STARD9: variants seen among roughly 807,000 people sequenced by gnomAD.
STARD9 encodes the protein stAR-related lipid transfer protein 9.
STARD9 carries 346 observed loss-of-function variants against 399.8 expected under a neutral mutation model. The ratio of observed to expected loss-of-function variants is 0.87; its 90% confidence interval spans 0.79 to 0.95. STARD9 has a LOEUF of 0.95. Ranked by LOEUF, STARD9 falls within the 40% of genes least tolerant of loss-of-function variation. The pLI is 0.00. For synonymous variants in STARD9, 2,203 were observed against 2,143.5 expected (o/e 1.03, Z -0.77); for missense variants, 5,832 against 5,667.5 (o/e 1.03, Z -0.93).
chr15:42,718,565 T>G, intron 31 of STARD9, 51 bp downstream of exon 31: 1 of 1,512,456 alleles, frequency 6.6e-7, no homozygotes, highest in Non-Finnish European at 8.9e-7. Context: ...GGCTGAAGTG[T>G]CGTGAGAAAC....
At chr15:42,666,814 T>A (rs1232836829) in intron 15 of STARD9, among the ~76,000 whole-genome samples, 1 of 152,150 alleles carries the variant, frequency 6.6e-6, no homozygotes, top group Non-Finnish European at 1.5e-5. Flanking sequence ...CATTTTTTTT[T>A]ATTAATTTTA....
At chr15:42,606,719 C>G (rs750267317) in intron 3 of STARD9, among the ~76,000 whole-genome samples, 1 of 151,884 alleles carries the variant, frequency 6.6e-6, no homozygotes, top group African/African-American at 2.4e-5. Context: ...ACCTCAGCCT[C>G]CCAAAGTGCT....
At chr15:42,595,270 T>C (rs1395297564) in intron 3 of STARD9, among the ~76,000 whole-genome samples, 1 of 152,142 alleles carries the variant, frequency 6.6e-6, no homozygotes, top group Non-Finnish European at 1.5e-5. Context: ...TTACAGCAGG[T>C]ATCTCCATTT....
chr15:42,700,117 A>T (rs1322144345), intron 26 of STARD9, among the ~76,000 whole-genome samples: 2 of 152,188 alleles, frequency 1.3e-5, no homozygotes, highest in Non-Finnish European at 2.9e-5. Context: ...ACAGAATTTT[A>T]TTCTGTTTTA....
At chr15:42,635,634 C>T (rs1432151639) in intron 4 of STARD9, among the ~76,000 whole-genome samples, 1 of 152,054 alleles carries the variant, frequency 6.6e-6, no homozygotes, top group East Asian at 1.9e-4. Flanking sequence ...CGGCCTTAAC[C>T]CCTCTTTATT....
chr15:42,718,697 G>A, intron 31 of STARD9, 55 bp from the exon 32 acceptor site: 1 of 1,519,252 alleles, frequency 6.6e-7, no homozygotes. Flanking sequence ...ACGGGAGCCT[G>A]TTCCTGTTTT....
chr15:42,697,555 A>G (rs1434208779), intron 26 of STARD9, among the ~76,000 whole-genome samples: 1 of 152,192 alleles, frequency 6.6e-6, no homozygotes, highest in African/African-American at 2.4e-5. Flanking sequence ...TCAGAAATTC[A>G]AAATACTCCA....
chr15:42,634,820 A>C (rs1312623220), intron 3 of STARD9, 36 bp from the exon 4 acceptor site: 2 of 1,051,022 alleles, frequency 1.9e-6, no homozygotes, highest in Non-Finnish European at 2.8e-6. Flanking sequence ...GAGAAGAAGG[A>C]CCACAGTGAT....
At chr15:42,581,584 T>G in intron 1 of STARD9, 5 of 811,214 alleles carry the variant, frequency 6.2e-6, no homozygotes, top group South Asian at 4.6e-5. Flanking sequence ...AAGCGAGCTC[T>G]GCGCACTCCT....
Position 42,687,173 on chromosome 15 carries a change from A to C in STARD9, c.5595A>C (p.Val1865=). The C allele has an allele frequency of 6.5e-7, 1 of 1,537,426 alleles. No individual in the cohort carries two copies. The highest frequency in any genetic ancestry group is 2.4e-5 in the East Asian group (1 of 40,926). The change falls in exon 23 of 33, where the codon GTA becomes GTC. Residue 1865 remains valine, a synonymous_variant. Coordinates refer to ENST00000290607, the MANE Select transcript of STARD9 (RefSeq NM_020759.3). ...RHFLPSTSTK[V]CEFENQVVIL... ...TTCTCCCCTCTACCAGCACAAAAGT[A>C]TGTGAATTTGAAAACCAAGTTGTAA...
In STARD9 at chr15:42,669,296, G is replaced by A; in HGVS notation, c.1456G>A (p.Asp486Asn). The change falls in exon 16 of 33, where the codon GAT becomes AAT. Residue 486 changes from aspartate (D) to asparagine (N), a missense_variant. Physicochemically the swap from Asp to Asn is conservative, Grantham distance 23. Around this residue, in one of 2 missense-constraint regions of STARD9, gnomAD observed 5,828 missense variants for 5,651.1 expected, o/e 1.03. Transcript: ENST00000290607. ...SSLPHLMALE[D>N]DVLSTGVVLY... ...CCTGCCACACTTGATGGCCTTGGAG[G>A]ATGATGTGCTCAGCACAGGTGTTGT... The A allele has an allele frequency of 2.0e-6, 3 of 1,536,608 alleles. No individual in the cohort carries two copies. Among genetic ancestry groups the A allele is most frequent in the Non-Finnish European group, 2.6e-6 (3 of 1,146,414 alleles).
At chr15:42,697,521 G>C (rs1477242251) in intron 26 of STARD9, among the ~76,000 whole-genome samples, 1 of 152,000 alleles carries the variant, frequency 6.6e-6, no homozygotes, top group Non-Finnish European at 1.5e-5. Flanking sequence ...TACACATACA[G>C]GTTGAGCATC....
rs984023652 is a variant in STARD9, at chr15:42,693,454, G to A, written c.11876G>A (p.Gly3959Asp). 3.3e-6 allele frequency: 5 copies of A among 1,537,124 alleles called. No homozygotes were observed. Among genetic ancestry groups the A allele is most frequent in the Non-Finnish European group, 4.4e-6 (5 of 1,146,914 alleles). Residue 3959 changes from glycine (G) to aspartate (D), a missense_variant, in exon 23 of 33, where the codon GGT becomes GAT. By Grantham distance (94) the Gly-to-Asp change is moderately conservative (BLOSUM62 -1). Around this residue, in one of 2 missense-constraint regions of STARD9, gnomAD observed 5,828 missense variants for 5,651.1 expected, o/e 1.03. Transcript: ENST00000290607. ...TATTCCCAAACCACTGACGAGTTAG[G>A]TGGCTCCCAGAGAGGTAGAAGTTCC... is the stretch of plus-strand genomic sequence containing the variant. ...DNYSQTTDEL[G>D]GSQRGRSSLQ...
At chr15:42,622,959 A>T (rs2059120173) in intron 3 of STARD9, among the ~76,000 whole-genome samples, 1 of 152,172 alleles carries the variant, frequency 6.6e-6, no homozygotes, top group East Asian at 1.9e-4. Context: ...ATAGCTTAAG[A>T]TGCAGATCAG....
At chr15:42,648,277 C>T (rs2059685804) in intron 7 of STARD9, among the ~76,000 whole-genome samples, 1 of 152,176 alleles carries the variant, frequency 6.6e-6, no homozygotes, top group Non-Finnish European at 1.5e-5. Flanking sequence ...ATTCTCCTGC[C>T]TCAGCTTCCC....
chr15:42,582,627 T>A (rs115105685), intron 1 of STARD9, among the ~76,000 whole-genome samples: 1,604 of 152,266 alleles, frequency 0.011, 38 homozygotes, highest in African/African-American at 0.037. Flanking sequence ...TCAATATCCA[T>A]GCCCAAAATG....
At chr15:42,618,916 A>G (rs1450265901) in intron 3 of STARD9, among the ~76,000 whole-genome samples, 1 of 151,890 alleles carries the variant, frequency 6.6e-6, no homozygotes, top group South Asian at 2.1e-4. Flanking sequence ...TTGTCCCCAG[A>G]TATTTTTTTT....
chr15:42,712,517 TTC>T (rs1210654017), intron 26 of STARD9, among the ~76,000 whole-genome samples: 1 of 152,118 alleles, frequency 6.6e-6, no homozygotes, highest in African/African-American at 2.4e-5. Flanking sequence ...GGGGTTGAAT[TTC>T]ATTCTTTTCC....
chr15:42,718,275 C>G, intron 30 of STARD9, 96 bp downstream of exon 30: 1 of 1,314,570 alleles, frequency 7.6e-7, no homozygotes, highest in Admixed American at 2.0e-5. Flanking sequence ...GGAGGCAGCC[C>G]TCTTTGGAGG....
Sources: allele counts gnomAD v4.1 joint callset (sites outside exome capture counted in the v4.1 genomes callset), GRCh38; gene constraint gnomAD v4.1.1; regional missense constraint gnomAD v4.1.1; transcripts MANE v1.5; gene names NCBI Gene and HGNC (gene_info 2026-07-23, HGNC 2026-07-21).